IGF1R: variants seen among roughly 807,000 people sequenced by gnomAD.
IGF1R encodes the protein insulin like growth factor 1 receptor.
A neutral mutation model predicts 144.6 loss-of-function variants in IGF1R; 44 were observed. The observed-to-expected ratio is 0.30, with a 90% CI of 0.24 to 0.39. The LOEUF (loss-of-function observed/expected upper bound fraction) is 0.39, where lower values mean the gene tolerates loss of function less well. Among genes scored for constraint, IGF1R ranks in the 10% least tolerant of loss-of-function variants. The pLI, the probability that IGF1R is intolerant of heterozygous loss-of-function variation, is 1.00. For missense variants in IGF1R, 1,355 were observed against 1,833.7 expected (o/e 0.74, Z 4.77); for synonymous variants, 795 against 722.8 (o/e 1.10, Z -1.60).
At chr15:98,663,312 C>G (rs778446583) in intron 1 of IGF1R, among the ~76,000 whole-genome samples, 2 of 152,048 alleles carry the variant, frequency 1.3e-5, no homozygotes, top group Non-Finnish European at 2.9e-5. Context: ...GGGCAGCTCC[C>G]GAGGAGACAC....
chr15:98,842,299 G>T (rs1247146946), intron 2 of IGF1R, among the ~76,000 whole-genome samples: 1 of 152,170 alleles, frequency 6.6e-6, no homozygotes, highest in African/African-American at 2.4e-5. Flanking sequence ...TATTAAAACT[G>T]ATTTAACTCT....
intron 2 of IGF1R, among the ~76,000 whole-genome samples, chr15:98,731,969 T>C (rs911256032): frequency 1.3e-4 from 20 of 152,158 alleles, no homozygotes; most frequent in African/African-American, 4.3e-4. Context: ...AGAGAGACAG[T>C]CTTCACCCCC....
rs565858876 is a variant in IGF1R at position 98,957,747 on chromosome 15, C to T, written c.*305C>T. On this transcript the variant is annotated 3_prime_UTR_variant, in exon 21 of 21. Transcript: ENST00000650285. ...TGAGAACCAGTCTCCTCACTCTGTCCCTGTCCTTCCCTGTTCTCCCTTTCT... is the reference window on the plus strand; with the variant it reads ...TGAGAACCAGTCTCCTCACTCTGTCTCTGTCCTTCCCTGTTCTCCCTTTCT... 5.4e-5 allele frequency: 25 copies of T among 462,510 alleles called. No homozygotes were observed. In the South Asian group the frequency reaches 6.2e-4, roughly 11 times the overall value. 28.7% of individuals were successfully genotyped at this position (462,510 alleles called of 1,614,324 possible). A position where few individuals can be genotyped will look rare whatever the true frequency, so the allele number is the denominator to read the frequency against.
intron 2 of IGF1R, among the ~76,000 whole-genome samples, chr15:98,845,491 T>TTCCTTCTCCTCCTCCC (rs1382120760): frequency 1.8e-5 from 2 of 110,916 alleles, no homozygotes; most frequent in East Asian, 6.7e-4. Context: ...CTCCTCCTCC[T>TTCCTTCTCCTCCTCCC]TCCTTCTCCT....
rs2013949677 is a variant in IGF1R, at chr15:98,892,037, G to C, written c.953+400G>C. Among the ~76,000 whole-genome samples the C allele has an allele frequency of 2.6e-5, 4 of 152,246 alleles. No individual in the cohort carries two copies. In the South Asian group the frequency reaches 8.3e-4, roughly 32 times the overall value. ...GAGGCTTTGGAAGTGCAAAAGAAAA[G>C]ACATGCTAAGCCCCCACCACCATCC... On this transcript the variant is annotated intron_variant, in intron 3 of 20. Transcript: ENST00000650285.
At chr15:98,797,405 G>A (rs1041654721) in intron 2 of IGF1R, among the ~76,000 whole-genome samples, 2 of 152,242 alleles carry the variant, frequency 1.3e-5, no homozygotes, top group Non-Finnish European at 2.9e-5. Flanking sequence ...ACCGTTACCT[G>A]TGCATAGAGT....
At chr15:98,749,562 C>G (rs2141330684) in intron 2 of IGF1R, among the ~76,000 whole-genome samples, 1 of 152,228 alleles carries the variant, frequency 6.6e-6, no homozygotes, top group South Asian at 2.1e-4. Flanking sequence ...CTATCATGGC[C>G]TCACTTGTTA....
chr15:98,894,302 A>C (rs1438095408), intron 3 of IGF1R, among the ~76,000 whole-genome samples: 1 of 152,244 alleles, frequency 6.6e-6, no homozygotes, highest in African/African-American at 2.4e-5. Flanking sequence ...GGTACAACCC[A>C]GCAGTTGTAA....
At chr15:98,953,130 G>A (rs1326103811) in intron 20 of IGF1R, 2 of 152,248 alleles carry the variant, frequency 1.3e-5, no homozygotes, top group South Asian at 2.1e-4. Flanking sequence ...TGTGTGAGTT[G>A]TGTGGTTCTG....
intron 2 of IGF1R, among the ~76,000 whole-genome samples, chr15:98,838,870 A>T (rs2011129833): frequency 6.6e-6 from 1 of 152,202 alleles, no homozygotes. Context: ...GGAAAAATTC[A>T]AGAATTTGTT....
chr15:98,736,286 G>C (rs1310336765), intron 2 of IGF1R, among the ~76,000 whole-genome samples: 1 of 152,186 alleles, frequency 6.6e-6, no homozygotes, highest in Admixed American at 6.5e-5. Flanking sequence ...AGCAAGAAAG[G>C]TTAATATTAT....
chr15:98,808,886 C>A (rs1018987016), intron 2 of IGF1R, among the ~76,000 whole-genome samples: 5 of 152,088 alleles, frequency 3.3e-5, no homozygotes, highest in Non-Finnish European at 7.4e-5. Context: ...CAGAGTCTTA[C>A]TCTATTGCCC....
At chr15:98,661,274 T>C (rs529860198) in intron 1 of IGF1R, among the ~76,000 whole-genome samples, 20 of 152,274 alleles carry the variant, frequency 1.3e-4, no homozygotes, top group African/African-American at 4.8e-4. Context: ...CCGGTTTTGG[T>C]TGCTGGTGAA....
At chr15:98,874,034 C>T (rs946485031) in intron 2 of IGF1R, among the ~76,000 whole-genome samples, 1 of 152,144 alleles carries the variant, frequency 6.6e-6, no homozygotes, top group Non-Finnish European at 1.5e-5. Context: ...GGCGCTTCCT[C>T]TGCCGGGGGT....
intron 2 of IGF1R, among the ~76,000 whole-genome samples, chr15:98,866,179 C>T (rs1335902403): frequency 6.6e-6 from 1 of 152,224 alleles, no homozygotes; most frequent in Non-Finnish European, 1.5e-5. Context: ...GCCCAAATCT[C>T]AGCGGAACAG....
At position 98,704,020 on chromosome 15, in the gene IGF1R, C is replaced by T. The variant is rs1057218508; in HGVS notation, c.95-3542C>T. 1.1e-4 allele frequency among the ~76,000 whole-genome samples: 16 copies of T among 151,532 alleles called. No individual in the cohort carries two copies. Among genetic ancestry groups the T allele is most frequent in the Non-Finnish European group, 1.8e-4 (12 of 67,966 alleles). ...TGACCTCATGTGACGGGTCACTTTT[C>T]GAAACTCAGGCACACGACACACAGT... On this transcript the variant is annotated intron_variant, in intron 1 of 20. Transcript: ENST00000650285. The surrounding 1 kb of genome is among the most constrained non-coding windows in gnomAD (Gnocchi z 4.9).
At chr15:98,734,111 TA>T (rs1296758274) in intron 2 of IGF1R, among the ~76,000 whole-genome samples, 3 of 152,314 alleles carry the variant, frequency 2.0e-5, no homozygotes, top group African/African-American at 7.2e-5. Context: ...ACTAGATGAT[TA>T]TTTTCATTTG....
At chr15:98,936,899 C>T (rs2016174468) in intron 17 of IGF1R, among the ~76,000 whole-genome samples, 1 of 152,140 alleles carries the variant, frequency 6.6e-6, no homozygotes, top group African/African-American at 2.4e-5. Flanking sequence ...CACTCTCTTT[C>T]TTTCGAGATG....
intron 1 of IGF1R, chr15:98,651,057 G>A: frequency 1.0e-6 from 1 of 985,426 alleles, no homozygotes; most frequent in South Asian, 4.7e-5. Flanking sequence ...GCAGAACTGG[G>A]ACTGGGAACG....
Sources: gnomAD v4.1 joint callset for allele counts (sites outside exome capture counted in the v4.1 genomes callset) on GRCh38, gnomAD v4.1.1 for gene constraint, Gnocchi (gnomAD v3.1) non-coding constraint, MANE v1.5 for transcripts, NCBI Gene and HGNC (gene_info 2026-07-23, HGNC 2026-07-21) for gene names.